Variants in PRKCB observed in about 807,000 individuals in gnomAD.
PRKCB encodes the protein protein kinase C beta type.
A neutral mutation model predicts 81.5 loss-of-function variants in PRKCB; 13 were observed. The ratio of observed to expected loss-of-function variants is 0.16; its 90% CI spans 0.10 to 0.25. PRKCB has a LOEUF of 0.25. Among genes scored for constraint, PRKCB ranks in the 10% least tolerant of loss-of-function variants. The pLI is 1.00. For missense variants in PRKCB, 509 were observed against 875.7 expected, an observed-to-expected ratio of 0.58 and a Z score of 5.29; for synonymous variants, 335 against 321.4, an observed-to-expected ratio of 1.04 and a Z score of -0.45.
chr16:24,194,353 A>C (rs1374949403), intron 16 of PRKCB, among the ~76,000 whole-genome samples: 2 of 151,502 alleles, frequency 1.3e-5, no homozygotes, highest in African/African-American at 2.4e-5. Flanking sequence ...CAAAAAAACA[A>C]AAAACAACAA....
At chr16:23,884,132 A>G (rs1243922094) in intron 2 of PRKCB, among the ~76,000 whole-genome samples, 1 of 152,220 alleles carries the variant, frequency 6.6e-6, no homozygotes, top group Non-Finnish European at 1.5e-5. Context: ...AGTGGTTACC[A>G]TATTGGTAGC....
At chr16:24,126,117 C>G (rs929895924) in intron 9 of PRKCB, among the ~76,000 whole-genome samples, 17 of 151,916 alleles carry the variant, frequency 1.1e-4, no homozygotes, top group African/African-American at 3.9e-4. Flanking sequence ...ACCAAGTGCT[C>G]AAGAAAAGCA....
rs1968239118 is a variant in PRKCB at position 24,217,093 on chromosome 16, A to AAAGGAAAGAAAGAAGAAAAAGAAAG, written c.*2292_*2316dup. On this transcript the variant is annotated 3_prime_UTR_variant, in exon 17 of 17. Coordinates refer to ENST00000643927, the MANE Select transcript of PRKCB (RefSeq NM_002738.7). ...ATGTAGGATGAATGGAAAGAGAAAG[A>AAAGGAAAGAAAGAAGAAAAAGAAAG]AAGGAAAGAAAGAAGAAAAAGAAAG... The AAAGGAAAGAAAGAAGAAAAAGAAAG allele has an allele frequency of 2.0e-6, 2 of 984,832 alleles. No homozygotes were observed. Among genetic ancestry groups the AAAGGAAAGAAAGAAGAAAAAGAAAG allele is most frequent in the Non-Finnish European group, 1.2e-6 (1 of 829,656 alleles). The allele number at this position is 984,832 out of a possible 1,614,324, so 61.0% of individuals were successfully genotyped here. A position where few individuals can be genotyped will look rare whatever the true frequency, so the allele number is the denominator to read the frequency against.
At chr16:24,077,659 G>A (rs546048372) in intron 5 of PRKCB, among the ~76,000 whole-genome samples, 2 of 152,322 alleles carry the variant, frequency 1.3e-5, no homozygotes, top group African/African-American at 4.8e-5. Context: ...CTGTGTGACT[G>A]AGGATGTTTG....
At chr16:24,118,738 G>A (rs192167769) in intron 8 of PRKCB, among the ~76,000 whole-genome samples, 2 of 152,310 alleles carry the variant, frequency 1.3e-5, no homozygotes, top group Admixed American at 1.3e-4. Flanking sequence ...AACCATTAGT[G>A]TATTCCTGTT....
intron 3 of PRKCB, among the ~76,000 whole-genome samples, chr16:24,014,703 A>T: frequency 6.6e-6 from 1 of 152,242 alleles, no homozygotes; most frequent in East Asian, 1.9e-4. Flanking sequence ...TAGTGTATAT[A>T]TGATGTGCCA....
chr16:24,047,566 G>A (rs969240056), intron 5 of PRKCB, among the ~76,000 whole-genome samples: 2 of 151,568 alleles, frequency 1.3e-5, no homozygotes, highest in Non-Finnish European at 2.9e-5. Context: ...TTGAGCACCC[G>A]CCTCTAGTCC....
intron 2 of PRKCB, among the ~76,000 whole-genome samples, chr16:23,894,713 G>T (rs1963348108): frequency 6.6e-6 from 1 of 152,146 alleles, no homozygotes. Context: ...AAAAATGTAT[G>T]TTCATTGTAA....
At chr16:24,179,297 T>A (rs907139556) in intron 12 of PRKCB, among the ~76,000 whole-genome samples, 1 of 152,246 alleles carries the variant, frequency 6.6e-6, no homozygotes, top group Non-Finnish European at 1.5e-5. Context: ...ACACCCATGT[T>A]ACATGGAAGA....
chr16:24,156,082 CCTAATT>C (rs549951404), intron 10 of PRKCB, among the ~76,000 whole-genome samples: 1 of 152,092 alleles, frequency 6.6e-6, no homozygotes, highest in Non-Finnish European at 1.5e-5. Flanking sequence ...ATGGTGATAT[CCTAATT>C]CTATCATTTA....
chr16:24,183,559 G>A (rs1024706888), intron 13 of PRKCB, among the ~76,000 whole-genome samples: 4 of 152,174 alleles, frequency 2.6e-5, no homozygotes, highest in Admixed American at 2.6e-4. Context: ...TTATAGCCAA[G>A]TTTGCTCAAA....
chr16:24,097,728 T>A (rs1966461818), intron 7 of PRKCB, among the ~76,000 whole-genome samples: 1 of 152,136 alleles, frequency 6.6e-6, no homozygotes, highest in Admixed American at 6.5e-5. Flanking sequence ...CATGTGAGAT[T>A]TACATTGGCT....
rs370086918 is a variant in PRKCB at position 23,874,568 on chromosome 16, C to CTCT, written c.205+37163_205+37164insCTT. Reference sequence around the variant, plus strand: ...GCCTAGCATCACCAGATTCTTCTCTCTTTTTTTTTTTTTTTGTTTTGCCCC... The same window carrying CTCT: ...GCCTAGCATCACCAGATTCTTCTCTCTCTTTTTTTTTTTTTTTTGTTTTGCCCC... On this transcript the variant is annotated intron_variant, in intron 2 of 16. Transcript: ENST00000643927. Among the ~76,000 whole-genome samples, 8 of 133,080 alleles carry CTCT rather than the reference C, an allele frequency of 6.0e-5. No individual in the cohort carries two copies. The East Asian group carries it at 8.1e-4, about 14-fold the overall frequency. The allele number at this position is 133,080 out of a possible 152,430, so 87.3% of individuals were successfully genotyped here.
chr16:23,919,483 T>A (rs1963792595), intron 2 of PRKCB, among the ~76,000 whole-genome samples: 1 of 152,024 alleles, frequency 6.6e-6, no homozygotes, highest in Admixed American at 6.5e-5. Context: ...TATAACCAGA[T>A]ATCTCTATAT....
chr16:23,881,565 T>TA lies in PRKCB; in HGVS notation c.205+44159_205+44160insA, dbSNP rs1597225653. 2.0e-5 allele frequency among the ~76,000 whole-genome samples: 3 copies of TA among 152,122 alleles called. No individual in the cohort carries two copies. The East Asian group carries it at 5.8e-4, about 29-fold the overall frequency. On this transcript the variant is annotated intron_variant, in intron 2 of 16. Transcript: ENST00000643927. The stretch of plus-strand genomic sequence containing the variant: ...CTGCACCCTGGCCCATTCCCGTTTT[T>TA]TAAAAAAATATTTTATTCCTTTTAG...
intron 2 of PRKCB, among the ~76,000 whole-genome samples, chr16:23,916,489 A>G (rs1963742077): frequency 6.6e-6 from 1 of 152,192 alleles, no homozygotes; most frequent in Non-Finnish European, 1.5e-5. Context: ...TTAAAAAGGC[A>G]CAAGAGCTTT....
intron 16 of PRKCB, among the ~76,000 whole-genome samples, chr16:24,200,383 A>C (rs961113760): frequency 2.0e-5 from 3 of 152,170 alleles, no homozygotes; most frequent in African/African-American, 4.8e-5. Context: ...ACCTATCTAC[A>C]CACCCATGGA....
intron 5 of PRKCB, among the ~76,000 whole-genome samples, chr16:24,083,272 C>T (rs7205307): frequency 0.059 from 9,046 of 152,162 alleles, 760 homozygotes; most frequent in African/African-American, 0.19. Context: ...ACAGCTGCTC[C>T]GGGAAAGTGT....
At chr16:23,965,937 C>G (rs560705833) in intron 2 of PRKCB, among the ~76,000 whole-genome samples, 1 of 152,344 alleles carries the variant, frequency 6.6e-6, no homozygotes, top group South Asian at 2.1e-4. Flanking sequence ...GTAGATCAGC[C>G]AAGTTTGAAT....
Sources: allele counts gnomAD v4.1 joint callset (sites outside exome capture counted in the v4.1 genomes callset), GRCh38; gene constraint gnomAD v4.1.1; transcripts MANE v1.5; gene names NCBI Gene and HGNC (gene_info 2026-07-23, HGNC 2026-07-21).